The following MTRFR variants were observed in gnomAD, a reference collection of about 807,000 sequenced individuals.
MTRFR encodes the protein mitochondrial translation release factor in rescue, also known as probable peptide chain release factor C12orf65, mitochondrial.
A neutral mutation model predicts 11.9 loss-of-function variants in MTRFR; 10 were observed. That is an observed-to-expected ratio of 0.84 (90% CI 0.52 to 1.42). MTRFR has a LOEUF of 1.42. Among genes scored for constraint, MTRFR ranks in the 40% most tolerant of loss-of-function variants. The pLI, the probability that MTRFR is intolerant of heterozygous loss-of-function variation, is 0.00. For synonymous variants in MTRFR, 77 were observed against 79.1 expected (o/e 0.97, Z 0.14); for missense variants, 196 against 197.9 (o/e 0.99, Z 0.06).
intron 1 of MTRFR, among the ~76,000 whole-genome samples, chr12:123,242,043 A>G (rs189231224): frequency 2.6e-4 from 40 of 152,326 alleles, no homozygotes; most frequent in African/African-American, 9.4e-4. Context: ...TTTATGCTAC[A>G]GACTCTTTAG....
intron 1 of MTRFR, among the ~76,000 whole-genome samples, chr12:123,251,783 A>G (rs1160201732): frequency 6.6e-6 from 1 of 152,188 alleles, no homozygotes; most frequent in Non-Finnish European, 1.5e-5. Flanking sequence ...ATCTAGAGCT[A>G]AAATTCACAA....
chr12:123,242,297 G>A (rs1459799802), intron 1 of MTRFR, among the ~76,000 whole-genome samples: 5 of 152,158 alleles, frequency 3.3e-5, no homozygotes, highest in Admixed American at 6.5e-5. Context: ...CGAAGCTCAC[G>A]TTTGAAGAAG....
At chr12:123,253,496 G>A in intron 1 of MTRFR, 151 bp from the exon 2 acceptor site, 1 of 728,662 alleles carries the variant, frequency 1.4e-6, no homozygotes. Context: ...GCGTCTTGCT[G>A]AATAATGTGT....
chr12:123,237,847 C>G (rs1420087800), intron 1 of MTRFR, among the ~76,000 whole-genome samples: 1 of 152,132 alleles, frequency 6.6e-6, no homozygotes, highest in East Asian at 1.9e-4. Flanking sequence ...ATGTGAAAGA[C>G]AGGGAAATGC....
At chr12:123,246,300 T>C (rs1038297408) in intron 1 of MTRFR, among the ~76,000 whole-genome samples, 41 of 152,096 alleles carry the variant, frequency 2.7e-4, no homozygotes, top group Admixed American at 1.6e-3. Flanking sequence ...TGATCCACAC[T>C]CCTCGGCCTC....
Position 123,243,524 on chromosome 12 carries a change from C to T in MTRFR, c.-29+9993C>T, listed in dbSNP as rs564875036. On this transcript the variant is annotated intron_variant, in intron 1 of 2. Transcript: ENST00000253233. Reference sequence around the variant, plus strand: ...CAGCCTGGGCGACAGAGCGAGACTCCGTCTCAAAAAAAAAAAAAAAAAATA... The same window carrying T: ...CAGCCTGGGCGACAGAGCGAGACTCTGTCTCAAAAAAAAAAAAAAAAAATA... Among the ~76,000 whole-genome samples, 18 of 94,922 alleles carry T rather than the reference C, an allele frequency of 1.9e-4. No individual in the cohort carries two copies. The South Asian group carries it at 7.5e-3, about 40-fold the overall frequency. The allele number at this position is 94,922 out of a possible 152,430, so 62.3% of individuals were successfully genotyped here.
At chr12:123,240,503 A>C (rs1187817288) in intron 1 of MTRFR, 1 of 151,932 alleles carries the variant, frequency 6.6e-6, no homozygotes, top group Admixed American at 6.6e-5. Flanking sequence ...CGTAAAGCAC[A>C]CTGTTTCAGT....
chr12:123,244,930 ATTTTTTTTTTTTT>A (rs544105176), intron 1 of MTRFR, among the ~76,000 whole-genome samples: 8 of 65,098 alleles, frequency 1.2e-4, no homozygotes, highest in African/African-American at 3.1e-4. Flanking sequence ...CGCACCCGGC[ATTTTTTTTTTTTT>A]TTTTTTTTTT....
At chr12:123,253,996 A>G (rs1172860948) in intron 2 of MTRFR, 40 bp downstream of exon 2, 1 of 1,610,232 alleles carries the variant, frequency 6.2e-7, no homozygotes, top group East Asian at 2.2e-5. Context: ...GGCCCCGCCC[A>G]AGGGTTCCAC....
At chr12:123,234,694 G>A (rs1446046514) in intron 1 of MTRFR, among the ~76,000 whole-genome samples, 1 of 152,182 alleles carries the variant, frequency 6.6e-6, no homozygotes, top group Non-Finnish European at 1.5e-5. Flanking sequence ...ACCACGCCTG[G>A]CAATTTTCAA....
At chr12:123,251,450 T>C (rs1051309561) in intron 1 of MTRFR, 3 of 152,288 alleles carry the variant, frequency 2.0e-5, no homozygotes, top group Admixed American at 6.5e-5. Flanking sequence ...ACCCTCCCGA[T>C]GGATCCCTGT....
intron 1 of MTRFR, among the ~76,000 whole-genome samples, chr12:123,252,930 A>T (rs2138790311): frequency 6.6e-6 from 1 of 152,326 alleles, no homozygotes; most frequent in African/African-American, 2.4e-5. Context: ...GTCTCAAAAA[A>T]TAAAATAGAC....
At position 123,253,992 on chromosome 12, in the gene MTRFR, G is replaced by C. The variant is rs370094415; in HGVS notation, c.282+36G>C. ...GAAGGCCGCTGAGGGGAGAGGCCCC[G>C]CCCAAGGGTTCCACAGCCTCCAGAG... On this transcript the variant is annotated intron_variant, in intron 2 of 2. Transcript: ENST00000253233. The C allele has an allele frequency of 5.0e-6, 8 of 1,610,314 alleles. No individual in the cohort carries two copies. In the Admixed American group the frequency reaches 1.3e-4, roughly 27 times the overall value.
rs962792638 is a variant in MTRFR, at chr12:123,257,422, A to C, written c.*391A>C. 4.7e-6 allele frequency: 1 copy of C among 213,644 alleles called. No individual in the cohort carries two copies. The highest frequency in any genetic ancestry group is 2.4e-5 in the African/African-American group (1 of 42,236). 13.2% of individuals were successfully genotyped at this position (213,644 alleles called of 1,614,324 possible). ...TCCCAGCTACTCGGGAGGCCGAGGC[A>C]GGAGAATTGCGTGAACCTGGGAGGC... On this transcript the variant is annotated 3_prime_UTR_variant, in exon 3 of 3. Coordinates refer to ENST00000253233, the MANE Select transcript of MTRFR (RefSeq NM_152269.5).
chr12:123,256,149 G>A (rs1244820468), intron 2 of MTRFR, among the ~76,000 whole-genome samples: 1 of 152,130 alleles, frequency 6.6e-6, no homozygotes, highest in Non-Finnish European at 1.5e-5. Context: ...AGTTATGGCT[G>A]ACTAATAATA....
At chr12:123,248,982 G>A (rs182530520) in intron 1 of MTRFR, 72 of 151,148 alleles carry the variant, frequency 4.8e-4, no homozygotes, top group African/African-American at 1.7e-3. Flanking sequence ...AGCACTGATT[G>A]ATGTGTTTAC....
chr12:123,241,212 G>T (rs907980770), intron 1 of MTRFR, among the ~76,000 whole-genome samples: 11 of 149,858 alleles, frequency 7.3e-5, no homozygotes, highest in Middle Eastern at 3.4e-3. Flanking sequence ...AGCTGATCAT[G>T]AACTCCCAGC....
In MTRFR at chr12:123,257,134, T is replaced by C. The variant is rs2138801207; in HGVS notation, c.*103T>C. On this transcript the variant is annotated 3_prime_UTR_variant, in exon 3 of 3. Transcript: ENST00000253233. ...CATTATTATAGTGCTTCAAAAGAAA[T>C]ATTTTTGATGAACTTAAAAGACAAC... 2 of 916,226 alleles carry C rather than the reference T, an allele frequency of 2.2e-6. No individual in the cohort carries two copies. Among genetic ancestry groups the C allele is most frequent in the East Asian group, 4.8e-5 (2 of 41,796 alleles). 56.8% of individuals were successfully genotyped at this position (916,226 alleles called of 1,614,324 possible).
chr12:123,253,824 T>C lies in MTRFR; in HGVS notation c.150T>C (p.Pro50=). 6 of 1,614,198 alleles carry C rather than the reference T, an allele frequency of 3.7e-6. No individual in the cohort carries two copies. Among genetic ancestry groups the C allele is most frequent in the Non-Finnish European group, 5.1e-6 (6 of 1,180,036 alleles). ...AGATGGCAGGCAAGAAGGACTACCC[T>C]GCACTGCTTTCCTTGGATGAGAATG... ...PVQMAGKKDY[P]ALLSLDENEL... Residue 50 remains proline (P), a synonymous_variant, in exon 2 of 3, where the codon CCT becomes CCC. Transcript: ENST00000253233.
Sources: gnomAD v4.1 joint callset for allele counts (sites outside exome capture counted in the v4.1 genomes callset) on GRCh38, gnomAD v4.1.1 for gene constraint, MANE v1.5 for transcripts, NCBI Gene and HGNC (gene_info 2026-07-23, HGNC 2026-07-21) for gene names.